Variants in RSRP1 observed in about 807,000 individuals in gnomAD.
The protein encoded by RSRP1 is arginine and serine rich protein 1.
RSRP1 carries 37 observed loss-of-function variants against 33.0 expected under a neutral mutation model. The ratio of observed to expected loss-of-function variants is 1.12; its 90% CI spans 0.86 to 1.48. The LOEUF (loss-of-function observed/expected upper bound fraction) is 1.48, where lower values mean the gene tolerates loss of function less well. Among genes scored for constraint, RSRP1 ranks in the 40% most tolerant of loss-of-function variants. The probability of loss-of-function intolerance (pLI) is 0.00; values close to 1 mark genes in which losing one functional copy is unlikely to be tolerated. For synonymous variants in RSRP1, 167 were observed against 158.7 expected (o/e 1.05, Z -0.40); for missense variants, 402 against 385.3 (o/e 1.04, Z -0.36).
rs750782245 is a variant in RSRP1 at position 25,328,999 on chromosome 1, G to C, written c.-67+8979C>G. 3.9e-5 allele frequency: 54 copies of C among 1,375,580 alleles called. 15 individuals carry two copies. The highest frequency in any genetic ancestry group is 5.7e-5 in the African/African-American group (4 of 70,556). The allele number at this position is 1,375,580 out of a possible 1,614,324, so 85.2% of individuals were successfully genotyped here. A position where few individuals can be genotyped will look rare whatever the true frequency, so the allele number is the denominator to read the frequency against. ...CTCTCACTGTTGCCTGCATTTGTAC[G>C]TGAGAAACGCTCATGACAGCAAAGT... On this transcript the variant is annotated intron_variant, in intron 1 of 1. Coordinates refer to the RSRP1 transcript ENST00000561867.
intron 1 of RSRP1, chr1:25,329,249 T>G (rs1438993204): frequency 4.6e-6 from 3 of 645,886 alleles, no homozygotes; most frequent in Admixed American, 3.3e-5. Flanking sequence ...TTTTTTTTTT[T>G]TTTTTTTTTT....
intron 1 of RSRP1, among the ~76,000 whole-genome samples, chr1:25,278,224 G>A (rs2124599775): frequency 7.7e-6 from 1 of 130,280 alleles, no homozygotes; most frequent in Middle Eastern, 4.1e-3. Context: ...GGCTGCAGAT[G>A]TATGATTTGG....
chr1:25,286,270 C>T (rs1211734521), intron 1 of RSRP1, among the ~76,000 whole-genome samples: 1 of 135,460 alleles, frequency 7.4e-6, no homozygotes, highest in African/African-American at 2.5e-5. Flanking sequence ...GGGCAGATCA[C>T]TTGAGCCCAG....
chr1:25,283,919 C>T (rs1641723751), intron 1 of RSRP1, among the ~76,000 whole-genome samples: 1 of 134,316 alleles, frequency 7.4e-6, no homozygotes, highest in Admixed American at 7.1e-5. Flanking sequence ...TGCGTCTCTT[C>T]CACTCACCTG....
intron 1 of RSRP1, among the ~76,000 whole-genome samples, chr1:25,312,957 T>TAAAAAAAAAAAAA (rs1491188755): frequency 2.0e-4 from 5 of 24,428 alleles, no homozygotes; most frequent in East Asian, 1.4e-3. Context: ...AAAAAAAAAC[T>TAAAAAAAAAAAAA]TTAGTGCTAT....
In RSRP1 at chr1:25,290,724, TG is replaced by T. The variant is rs755478959; in HGVS notation, c.-66-43696del. The T allele has an allele frequency of 1.5e-6, 2 of 1,377,072 alleles. 1 individual carries two copies. 85.3% of individuals were successfully genotyped at this position (1,377,072 alleles called of 1,614,324 possible). On this transcript the variant is annotated intron_variant, in intron 1 of 1. Coordinates refer to the RSRP1 transcript ENST00000561867. ...GGGAAGGTCAACTTGGCGCAGTTGG[TG>T]GTGATGGTGCTGGTGGAGGTGACAG...
At chr1:25,278,912 C>T (rs1402962098) in intron 1 of RSRP1, among the ~76,000 whole-genome samples, 1 of 128,866 alleles carries the variant, frequency 7.8e-6, no homozygotes, top group East Asian at 2.0e-4. Flanking sequence ...CCTCCTGAGG[C>T]TGCAGTGGTC....
At position 25,298,743 on chromosome 1, in the gene RSRP1, C is replaced by A. The variant is rs954170933; in HGVS notation, c.-67+39235G>T. 3.0e-5 allele frequency among the ~76,000 whole-genome samples: 4 copies of A among 131,192 alleles called. 1 individual carries two copies. Among genetic ancestry groups the A allele is most frequent in the Admixed American group, 1.5e-4 (2 of 13,418 alleles). The allele number at this position is 131,192 out of a possible 152,430, so 86.1% of individuals were successfully genotyped here. ...GGGACTCTTGTGGCAGTGGAAAATA[C>A]AACTCTCATGGAACGTCTGTTCCAG... On this transcript the variant is annotated intron_variant, in intron 1 of 1. Coordinates refer to the RSRP1 transcript ENST00000561867.
rs566068174 is a variant in RSRP1, at chr1:25,283,803, C to T, written c.-66-36774G>A. On this transcript the variant is annotated intron_variant, in intron 1 of 1. Coordinates refer to the RSRP1 transcript ENST00000561867. ...AGGGTGCCAGAGTCCTGATTTGAAC[C>T]CAAGTTTGTCTCGTTCTGGAGCTCA... is the stretch of plus-strand genomic sequence containing the variant. Among the ~76,000 whole-genome samples, 3 of 133,928 alleles carry T rather than the reference C, an allele frequency of 2.2e-5. No homozygotes were observed. In the South Asian group the frequency reaches 6.6e-4, roughly 29 times the overall value. 87.9% of individuals were successfully genotyped at this position (133,928 alleles called of 152,430 possible).
intron 2 of RSRP1, among the ~76,000 whole-genome samples, chr1:25,245,817 A>C (rs1404666013): frequency 2.0e-5 from 3 of 152,188 alleles, no homozygotes; most frequent in Non-Finnish European, 4.4e-5. Context: ...TATTTCTGAA[A>C]ACCAGGTTTT....
intron 1 of RSRP1, among the ~76,000 whole-genome samples, chr1:25,255,288 C>G (rs935566897): frequency 7.9e-5 from 12 of 152,166 alleles, no homozygotes; most frequent in African/African-American, 2.7e-4. Context: ...CCTGCTCCCC[C>G]CAAATCCTTT....
At chr1:25,247,096 C>T in intron 1 of RSRP1, 67 bp from the exon 2 acceptor site, 1 of 1,019,554 alleles carries the variant, frequency 9.8e-7, no homozygotes, top group Non-Finnish European at 1.4e-6. Flanking sequence ...CCGGAAGCCA[C>T]AGTCGGGGAA....
At chr1:25,323,561 G>C (rs1644827779) in intron 1 of RSRP1, among the ~76,000 whole-genome samples, 1 of 126,234 alleles carries the variant, frequency 7.9e-6, no homozygotes, top group East Asian at 2.0e-4. Context: ...CCAGGCTCAG[G>C]AGATCCTCCC....
At chr1:25,257,191 G>GT (rs1297304010) in intron 1 of RSRP1, among the ~76,000 whole-genome samples, 2 of 152,180 alleles carry the variant, frequency 1.3e-5, no homozygotes, top group African/African-American at 4.8e-5. Context: ...TCCCAGACAG[G>GT]TTTTCCTCCA....
intron 1 of RSRP1, among the ~76,000 whole-genome samples, chr1:25,271,248 T>A (rs1640499257): frequency 7.6e-6 from 1 of 131,066 alleles, no homozygotes; most frequent in African/African-American, 2.6e-5. Flanking sequence ...TGGGTCTTGG[T>A]TTCTTGGTCT....
intron 1 of RSRP1, among the ~76,000 whole-genome samples, chr1:25,277,949 C>T (rs1641159136): frequency 7.5e-6 from 1 of 133,506 alleles, no homozygotes; most frequent in African/African-American, 2.6e-5. Flanking sequence ...GCTGGGATTA[C>T]AGGCGTGAGC....
intron 1 of RSRP1, chr1:25,272,318 C>T (rs2124576073): frequency 1.9e-6 from 1 of 533,942 alleles, no homozygotes; most frequent in Non-Finnish European, 3.4e-6. Context: ...AACACAGCAA[C>T]TTGTTGAATG....
At chr1:25,310,806 T>C (rs1005949225) in intron 1 of RSRP1, among the ~76,000 whole-genome samples, 2 of 131,802 alleles carry the variant, frequency 1.5e-5, no homozygotes, top group African/African-American at 5.2e-5. Context: ...ACGCTGTTTC[T>C]ACCAAAAATA....
At position 25,243,611 on chromosome 1, in the gene RSRP1, T is replaced by A; in HGVS notation, c.695A>T (p.Asp232Val). The A allele has an allele frequency of 1.2e-6, 2 of 1,613,858 alleles. No individual in the cohort carries two copies. The highest frequency in any genetic ancestry group is 1.7e-6 in the Non-Finnish European group (2 of 1,179,840). Reference sequence around the variant, plus strand: ...TTTTTCATTGGGATTTCGAGTTCCATCTTCTGTTACCTTTTCCGACAGCTA... The same window carrying A: ...TTTTTCATTGGGATTTCGAGTTCCAACTTCTGTTACCTTTTCCGACAGCTA... ...KPELSEKVTE[D>V]GTRNPNEKPT... The change falls in exon 4 of 5, where the codon GAT (aspartate) becomes GTT (valine). Residue 232 changes from aspartate to valine, a missense_variant. Asp to Val is a radical substitution (Grantham distance 152). Coordinates refer to ENST00000243189, the MANE Select transcript of RSRP1 (RefSeq NM_020317.5).
Sources: allele counts gnomAD v4.1 joint callset (sites outside exome capture counted in the v4.1 genomes callset), GRCh38; gene constraint gnomAD v4.1.1; transcripts MANE v1.5; gene names NCBI Gene and HGNC (gene_info 2026-07-23, HGNC 2026-07-21).